Variants in SMIM36 observed in about 807,000 individuals in gnomAD.
SMIM36 encodes the protein small integral membrane protein 36.
At chr17:55,450,276 C>G (rs1908886979) in exon 5 of SMIM36, 1 of 152,152 alleles carries the variant, frequency 6.6e-6, no homozygotes, top group South Asian at 2.1e-4. Context: ...CCCTCTGACA[C>G]CTTGATTTCA....
intron 1 of SMIM36, among the ~76,000 whole-genome samples, chr17:55,498,181 C>G (rs1000689598): frequency 1.3e-5 from 2 of 152,130 alleles, no homozygotes; most frequent in Middle Eastern, 3.2e-3. Flanking sequence ...ACGACACAGT[C>G]CTATTGGATT....
intron 1 of SMIM36, among the ~76,000 whole-genome samples, chr17:55,501,761 G>A (rs1437482920): frequency 6.6e-6 from 1 of 151,376 alleles, no homozygotes. Flanking sequence ...CCGGTCTACA[G>A]CTCCCAGCGT....
the SMIM36 span, among the ~76,000 whole-genome samples, chr17:55,524,684 G>T: frequency 0.098 from 14,936 of 151,980 alleles, 719 homozygotes; most frequent in East Asian, 0.14. Context: ...AGTTTCTAAG[G>T]GTCCAGTTGT....
intron 1 of SMIM36, among the ~76,000 whole-genome samples, chr17:55,502,189 C>A (rs1910002001): frequency 6.7e-6 from 1 of 150,090 alleles, no homozygotes; most frequent in South Asian, 2.1e-4. Flanking sequence ...GTAAACAAAG[C>A]AGCCAGGAAG....
At chr17:55,464,842 C>T (rs1392794299) in intron 4 of SMIM36, among the ~76,000 whole-genome samples, 1 of 152,222 alleles carries the variant, frequency 6.6e-6, no homozygotes, top group Non-Finnish European at 1.5e-5. Flanking sequence ...CTTTCATTCG[C>T]TCCTTTGAGA....
At chr17:55,464,175 C>T (rs1909195014) in intron 4 of SMIM36, among the ~76,000 whole-genome samples, 1 of 152,066 alleles carries the variant, frequency 6.6e-6, no homozygotes, top group Admixed American at 6.6e-5. Flanking sequence ...AGGTCATGTC[C>T]ACCTAGGATA....
At chr17:55,484,159 C>CAA (rs200264173) in intron 1 of SMIM36, among the ~76,000 whole-genome samples, 174 of 150,130 alleles carry the variant, frequency 1.2e-3, no homozygotes, top group African/African-American at 3.9e-3. Flanking sequence ...AAACAAACAA[C>CAA]AAAAAAAACT....
intron 4 of SMIM36, among the ~76,000 whole-genome samples, chr17:55,465,709 A>G (rs1362555494): frequency 6.6e-6 from 1 of 151,998 alleles, no homozygotes; most frequent in African/African-American, 2.4e-5. Context: ...TCAAGCAGAG[A>G]CTGGTTTCTG....
At chr17:55,521,258 T>C in the SMIM36 span, among the ~76,000 whole-genome samples, 1 of 152,254 alleles carries the variant, frequency 6.6e-6, no homozygotes, top group Non-Finnish European at 1.5e-5. Context: ...CCAATTCCTC[T>C]TAACTTCAGC....
upstream of SMIM36, among the ~76,000 whole-genome samples, chr17:55,514,650 G>A (rs181914840): frequency 2.0e-5 from 3 of 152,212 alleles, no homozygotes; most frequent in African/African-American, 7.2e-5. Flanking sequence ...GACCCATTGG[G>A]CAGGTATTCT....
chr17:55,466,216 G>A lies in SMIM36; in HGVS notation c.*531+929C>T, dbSNP rs181005252. On this transcript the variant is annotated intron_variant, in intron 4 of 4. Transcript: ENST00000636752. ...CGCTTGAACCTGGGAGGCAGAGGTT[G>A]CAGTGAGCTGAGATTGCACTACTGT... Among the ~76,000 whole-genome samples the A allele has an allele frequency of 2.1e-5, 3 of 141,636 alleles. No individual in the cohort carries two copies. In the Admixed American group the frequency reaches 2.2e-4, roughly 11 times the overall value. The allele number at this position is 141,636 out of a possible 152,430, so 92.9% of individuals were successfully genotyped here. A position where few individuals can be genotyped will look rare whatever the true frequency, so the allele number is the denominator to read the frequency against.
chr17:55,462,646 T>A (rs1325764121), intron 4 of SMIM36, among the ~76,000 whole-genome samples: 1 of 152,126 alleles, frequency 6.6e-6, no homozygotes, highest in Admixed American at 6.6e-5. Context: ...TACAAATTTT[T>A]AAAAATCTGG....
At chr17:55,470,158 C>T (rs1909318165) in intron 3 of SMIM36, among the ~76,000 whole-genome samples, 1 of 152,142 alleles carries the variant, frequency 6.6e-6, no homozygotes, top group African/African-American at 2.4e-5. Flanking sequence ...GTGCAGGTCC[C>T]CACTGGAAAT....
At chr17:55,470,766 C>G (rs959737282) in intron 3 of SMIM36, among the ~76,000 whole-genome samples, 1 of 152,074 alleles carries the variant, frequency 6.6e-6, no homozygotes, top group African/African-American at 2.4e-5. Context: ...TCCTTGGTGA[C>G]CGATCATGCA....
At chr17:55,522,786 G>A in the SMIM36 span, among the ~76,000 whole-genome samples, 1 of 152,208 alleles carries the variant, frequency 6.6e-6, no homozygotes, top group South Asian at 2.1e-4. Context: ...CATGTTCTTA[G>A]TGTTGTCATG....
chr17:55,492,230 TTTTC>T (rs780269531), intron 1 of SMIM36, among the ~76,000 whole-genome samples: 2 of 118,718 alleles, frequency 1.7e-5, no homozygotes, highest in Non-Finnish European at 3.0e-5. Flanking sequence ...TTTTCTTTTC[TTTTC>T]TTTCTTTCTT....
At chr17:55,515,781 A>G (rs1439109256), upstream of SMIM36, among the ~76,000 whole-genome samples, 1 of 152,200 alleles carries the variant, frequency 6.6e-6, no homozygotes, top group Non-Finnish European at 1.5e-5. Flanking sequence ...AGTCTCCACA[A>G]CTGTGAGAGA....
At chr17:55,519,439 T>C in the SMIM36 span, among the ~76,000 whole-genome samples, 8 of 151,584 alleles carry the variant, frequency 5.3e-5, no homozygotes, top group East Asian at 3.9e-4. Flanking sequence ...TCAAAGAGAG[T>C]TGGAGCAGAG....
the SMIM36 span, among the ~76,000 whole-genome samples, chr17:55,528,474 C>A: frequency 6.6e-6 from 1 of 152,092 alleles, no homozygotes; most frequent in African/African-American, 2.4e-5. Flanking sequence ...GCCCCAGCCT[C>A]CCAAGTCGCT....
Sources: allele counts gnomAD v4.1 joint callset (sites outside exome capture counted in the v4.1 genomes callset), GRCh38; gene constraint gnomAD v4.1.1; transcripts MANE v1.5; gene names NCBI Gene and HGNC (gene_info 2026-07-23, HGNC 2026-07-21).